SNAP91: variants seen among roughly 807,000 people sequenced by gnomAD.
SNAP91 encodes the protein clathrin coat assembly protein AP180.
A neutral mutation model predicts 100.3 loss-of-function variants in SNAP91; 27 were observed. That is an observed-to-expected ratio of 0.27 (90% confidence interval 0.20 to 0.37). The LOEUF (loss-of-function observed/expected upper bound fraction) is 0.37. SNAP91 is among the 10% of genes least tolerant of loss of function. The probability of loss-of-function intolerance (pLI) is 1.00; values close to 1 mark genes in which losing one functional copy is unlikely to be tolerated. For synonymous variants in SNAP91, 404 were observed against 398.6 expected (o/e 1.01, Z -0.16); for missense variants, 986 against 1,123.7 (o/e 0.88, Z 1.75).
intron 7 of SNAP91, among the ~76,000 whole-genome samples, chr6:83,650,020 A>AT (rs566120561): frequency 1.0e-3 from 147 of 146,846 alleles, no homozygotes; most frequent in Middle Eastern, 3.6e-3. Flanking sequence ...TTTGTTGAAG[A>AT]TTTTTTTTTT....
intron 21 of SNAP91, among the ~76,000 whole-genome samples, chr6:83,591,617 A>G (rs2093759311): frequency 6.6e-6 from 1 of 152,246 alleles, no homozygotes; most frequent in Admixed American, 6.5e-5. Context: ...CCTAAAGGTA[A>G]TAAAACAGAA....
At position 83,584,800 on chromosome 6, in the gene SNAP91, T is replaced by C. The variant is rs747231732; in HGVS notation, c.2015-2444A>G. Among the ~76,000 whole-genome samples the C allele has an allele frequency of 7.9e-5, 12 of 152,038 alleles. No homozygotes were observed. In the East Asian group the frequency reaches 2.3e-3, roughly 29 times the overall value. Reference sequence around the variant, plus strand: ...TTGTCTAAGGTCATATGAAAGCAAATGGCAGATCCAGGATTCCAAACAGGA... The same window carrying C: ...TTGTCTAAGGTCATATGAAAGCAAACGGCAGATCCAGGATTCCAAACAGGA... On this transcript the variant is annotated intron_variant, in intron 22 of 29. Coordinates refer to ENST00000369694, the MANE Select transcript of SNAP91 (RefSeq NM_001242792.2).
intron 2 of SNAP91, among the ~76,000 whole-genome samples, chr6:83,685,933 A>T (rs745375459): frequency 2.4e-4 from 36 of 152,024 alleles, no homozygotes; most frequent in Non-Finnish European, 4.4e-4. Context: ...TTCACCTTTA[A>T]CATATTACCC....
At chr6:83,698,604 A>G (rs2099252921) in intron 2 of SNAP91, among the ~76,000 whole-genome samples, 1 of 152,174 alleles carries the variant, frequency 6.6e-6, no homozygotes, top group Non-Finnish European at 1.5e-5. Context: ...AAAGGAGACG[A>G]GGGAAAATGT....
chr6:83,575,990 C>T, intron 25 of SNAP91, 33 bp downstream of exon 25: 1 of 1,281,090 alleles, frequency 7.8e-7, no homozygotes. Flanking sequence ...AATATACCAT[C>T]AAAAGGAAAT....
intron 22 of SNAP91, among the ~76,000 whole-genome samples, chr6:83,588,579 C>T (rs1287714834): frequency 6.6e-6 from 1 of 152,190 alleles, no homozygotes; most frequent in Non-Finnish European, 1.5e-5. Flanking sequence ...AGCTGTGGCA[C>T]AGGTATGTGC....
chr6:83,688,710 G>A (rs1392936102), intron 2 of SNAP91, among the ~76,000 whole-genome samples: 1 of 151,906 alleles, frequency 6.6e-6, no homozygotes, highest in African/African-American at 2.4e-5. Context: ...TCACCATGTT[G>A]GCCAGGATGG....
chr6:83,622,853 A>T (rs994717256), intron 9 of SNAP91, among the ~76,000 whole-genome samples: 1 of 152,110 alleles, frequency 6.6e-6, no homozygotes, highest in Non-Finnish European at 1.5e-5. Flanking sequence ...GGAGACAAGT[A>T]GTTCAACTGT....
At chr6:83,679,672 C>T (rs990591551) in intron 2 of SNAP91, among the ~76,000 whole-genome samples, 7 of 151,978 alleles carry the variant, frequency 4.6e-5, no homozygotes, top group Admixed American at 6.6e-5. Context: ...CTTGGGGTCG[C>T]GAGGAAAGAT....
intron 2 of SNAP91, among the ~76,000 whole-genome samples, chr6:83,697,354 AC>A (rs2099230928): frequency 6.6e-6 from 1 of 151,496 alleles, no homozygotes; most frequent in African/African-American, 2.4e-5. Context: ...ACACACACAC[AC>A]ACACACACAC....
Position 83,707,881 on chromosome 6 carries a change from C to G in SNAP91, c.47G>C (p.Ser16Thr). ...LTDRIAAAQYSVTGSAVARAV... is the reference protein window; with the variant it reads ...LTDRIAAAQYTVTGSAVARAV... ...TCTTGCTACAGCAGAGCCTGTAACG[C>G]TGTACTGAGCGGCGGCGATCCGATC... Residue 16 changes from serine to threonine, a missense_variant, in exon 2 of 30, where the codon AGC becomes ACC. Around this residue, in one of 4 missense-constraint regions of SNAP91, gnomAD observed 330 missense variants for 447.5 expected, o/e 0.74. Transcript: ENST00000369694. The G allele has an allele frequency of 2.5e-6, 4 of 1,605,470 alleles. No homozygotes were observed. Among genetic ancestry groups the G allele is most frequent in the Non-Finnish European group, 3.4e-6 (4 of 1,177,246 alleles).
intron 14 of SNAP91, 49 bp downstream of exon 14, chr6:83,605,636 A>AT (rs2095562574): frequency 1.3e-6 from 2 of 1,547,072 alleles, no homozygotes; most frequent in Admixed American, 2.0e-5. Flanking sequence ...AGTAAAAACA[A>AT]TGAAATAAAA....
intron 12 of SNAP91, among the ~76,000 whole-genome samples, chr6:83,608,299 ACAAG>A (rs2095776919): frequency 6.6e-6 from 1 of 152,208 alleles, no homozygotes; most frequent in Non-Finnish European, 1.5e-5. Flanking sequence ...AGAACGATTC[ACAAG>A]CAAGATTCAA....
intron 11 of SNAP91, 41 bp downstream of exon 11, chr6:83,614,816 T>C (rs1387536524): frequency 1.3e-6 from 2 of 1,505,246 alleles, no homozygotes; most frequent in East Asian, 2.3e-5. Context: ...GCATTTTTAG[T>C]AATTACCAAA....
intron 2 of SNAP91, among the ~76,000 whole-genome samples, chr6:83,692,030 C>T (rs1174956419): frequency 6.6e-6 from 1 of 152,084 alleles, no homozygotes; most frequent in Non-Finnish European, 1.5e-5. Context: ...CTCTTATCTT[C>T]CTAGAATAAA....
chr6:83,699,173 A>G (rs1266993412), intron 2 of SNAP91, among the ~76,000 whole-genome samples: 1 of 152,194 alleles, frequency 6.6e-6, no homozygotes, highest in African/African-American at 2.4e-5. Flanking sequence ...ATGACCTCAG[A>G]GTCTAAAATT....
intron 27 of SNAP91, among the ~76,000 whole-genome samples, 178 bp from the exon 28 acceptor site, chr6:83,560,386 C>T (rs753544235): frequency 2.2e-4 from 34 of 152,300 alleles, no homozygotes; most frequent in Non-Finnish European, 4.1e-4. Flanking sequence ...GGGAGAGAGT[C>T]GCTAAGGTGG....
At chr6:83,626,168 T>C (rs1358680695) in intron 8 of SNAP91, among the ~76,000 whole-genome samples, 1 of 152,130 alleles carries the variant, frequency 6.6e-6, no homozygotes, top group Non-Finnish European at 1.5e-5. Flanking sequence ...CAGTGGTTTG[T>C]AGGTACGCTG....
At chr6:83,564,810 G>T (rs1442301111) in intron 26 of SNAP91, among the ~76,000 whole-genome samples, 1 of 151,844 alleles carries the variant, frequency 6.6e-6, no homozygotes, top group African/African-American at 2.4e-5. Flanking sequence ...CTCCTGGAAA[G>T]AAACAGGTAA....
Sources: gnomAD v4.1 joint callset for allele counts (sites outside exome capture counted in the v4.1 genomes callset) on GRCh38, gnomAD v4.1.1 for gene constraint, gnomAD v4.1.1 regional missense constraint, MANE v1.5 for transcripts, NCBI Gene and HGNC (gene_info 2026-07-23, HGNC 2026-07-21) for gene names.